The following TCF7L2 variants were observed in gnomAD, a reference collection of about 807,000 sequenced individuals.
TCF7L2 encodes transcription factor 7-like 2.
A neutral mutation model predicts 77.9 loss-of-function variants in TCF7L2; 23 were observed. The observed-to-expected ratio is 0.30, with a 90% CI of 0.21 to 0.42. The LOEUF (loss-of-function observed/expected upper bound fraction) is 0.42. Ranked by LOEUF, TCF7L2 falls within the 10% of genes least tolerant of loss-of-function variation. The pLI is 1.00. For missense variants in TCF7L2, 654 were observed against 793.1 expected (o/e 0.82, Z 2.11); for synonymous variants, 413 against 340.2 (o/e 1.21, Z -2.36).
At chr10:113,007,204 G>T (rs918264582) in intron 4 of TCF7L2, among the ~76,000 whole-genome samples, 1 of 152,218 alleles carries the variant, frequency 6.6e-6, no homozygotes, top group African/African-American at 2.4e-5. Flanking sequence ...TTAGAGGTGT[G>T]TGGGGGCGTG....
rs558942651 is a variant in TCF7L2, at chr10:113,014,717, C to T, written c.451-25308C>T. On this transcript the variant is annotated intron_variant, in intron 4 of 13. Transcript: ENST00000627217. ...GGGAGAATTGCTTGATCCCAGGAGG[C>T]GGAGGCTGCAGTGAGCCAAGATTGT... Among the ~76,000 whole-genome samples, 11 of 152,138 alleles carry T rather than the reference C, an allele frequency of 7.2e-5. No homozygotes were observed. The South Asian group carries it at 1.5e-3, about 20-fold the overall frequency.
At chr10:113,118,828 GAGAT>G (rs1375485397) in intron 5 of TCF7L2, among the ~76,000 whole-genome samples, 2 of 151,988 alleles carry the variant, frequency 1.3e-5, no homozygotes, top group African/African-American at 4.8e-5. Context: ...CTGGGATTGA[GAGAT>G]AGACATAGGA....
intron 4 of TCF7L2, among the ~76,000 whole-genome samples, chr10:113,021,880 G>A (rs1435034934): frequency 6.6e-6 from 1 of 152,242 alleles, no homozygotes; most frequent in East Asian, 1.9e-4. Context: ...GGCTGGCGAT[G>A]GTCCCGAAAC....
chr10:113,030,223 A>G (rs1032877745), intron 4 of TCF7L2, among the ~76,000 whole-genome samples: 4 of 152,354 alleles, frequency 2.6e-5, no homozygotes, highest in South Asian at 4.1e-4. Flanking sequence ...AAGGGCTACC[A>G]TGTTGTGGCA....
intron 5 of TCF7L2, among the ~76,000 whole-genome samples, chr10:113,067,299 G>A (rs950826500): frequency 1.3e-5 from 2 of 152,180 alleles, no homozygotes; most frequent in African/African-American, 2.4e-5. Flanking sequence ...GAAATGAACA[G>A]CAGACAACTG....
intron 4 of TCF7L2, among the ~76,000 whole-genome samples, chr10:113,018,773 C>A (rs972843930): frequency 1.3e-5 from 2 of 152,132 alleles, no homozygotes; most frequent in Non-Finnish European, 2.9e-5. Flanking sequence ...TGGCCTCTCT[C>A]CTGAGTCCTT....
chr10:112,965,442 C>G (rs985929872), intron 4 of TCF7L2, among the ~76,000 whole-genome samples: 18 of 152,200 alleles, frequency 1.2e-4, no homozygotes, highest in Non-Finnish European at 2.5e-4. Context: ...GGTACCAAAA[C>G]TTCTTGAGTG....
At chr10:113,053,065 G>A (rs2134619423) in intron 5 of TCF7L2, among the ~76,000 whole-genome samples, 1 of 152,256 alleles carries the variant, frequency 6.6e-6, no homozygotes, top group African/African-American at 2.4e-5. Context: ...GTGGGACACA[G>A]GCACAGCTCT....
chr10:113,122,836 C>T (rs1417011020), intron 5 of TCF7L2, among the ~76,000 whole-genome samples: 1 of 152,130 alleles, frequency 6.6e-6, no homozygotes, highest in African/African-American at 2.4e-5. Flanking sequence ...CCTCCTTGGC[C>T]ATCACAATTG....
At chr10:113,159,339 G>A (rs2137407110) in intron 12 of TCF7L2, among the ~76,000 whole-genome samples, 1 of 152,026 alleles carries the variant, frequency 6.6e-6, no homozygotes, top group Admixed American at 6.5e-5. Flanking sequence ...TTAAAAAAAA[G>A]ACGAACGTTC....
At chr10:113,006,904 C>T (rs2045646967) in intron 4 of TCF7L2, among the ~76,000 whole-genome samples, 1 of 152,250 alleles carries the variant, frequency 6.6e-6, no homozygotes, top group South Asian at 2.1e-4. Context: ...GCCTCCTGCC[C>T]TTCCCACTTC....
At position 113,146,784 on chromosome 10, in the gene TCF7L2, G is replaced by A. The variant is rs149241692; in HGVS notation, c.875+687G>A. Among the ~76,000 whole-genome samples the A allele has an allele frequency of 3.9e-3, 593 of 152,078 alleles. 2 individuals are homozygous for A. The highest frequency in any genetic ancestry group is 0.013 in the African/African-American group (545 of 41,490). ...GCTGAGCTTTGGTACAAAATCTGAT[G>A]TGTATCTTATACGCACAGCACTTCT... On this transcript the variant is annotated intron_variant, in intron 8 of 13. Transcript: ENST00000627217.
Position 113,151,382 on chromosome 10 carries a change from C to G in TCF7L2, c.1001+259C>G, listed in dbSNP as rs1039508498. 6.6e-6 allele frequency among the ~76,000 whole-genome samples: 1 copy of G among 152,062 alleles called. No homozygotes were observed. Among genetic ancestry groups the G allele is most frequent in the Admixed American group, 6.6e-5 (1 of 15,252 alleles). On this transcript the variant is annotated intron_variant, in intron 9 of 13. Transcript: ENST00000627217. The surrounding 1 kb of genome is among the most constrained non-coding windows in gnomAD (Gnocchi z 5.2). ...GATACACTGGGATTTGCAACCACTTCCCTGCCCCCTAACCGCATCATTGAA... is the reference window on the plus strand; with the variant it reads ...GATACACTGGGATTTGCAACCACTTGCCTGCCCCCTAACCGCATCATTGAA...
chr10:113,042,833 T>C lies in TCF7L2; in HGVS notation c.552+2707T>C, dbSNP rs1366228195. On this transcript the variant is annotated intron_variant, in intron 5 of 13. Coordinates refer to ENST00000627217, the MANE Select transcript of TCF7L2 (RefSeq NM_001146274.2). Reference sequence around the variant, plus strand: ...TTTGGCTGGTACAGTGTGTCTTTGTTTGTAAAGGGTGCATTCTGAATGGTG... The same window carrying C: ...TTTGGCTGGTACAGTGTGTCTTTGTCTGTAAAGGGTGCATTCTGAATGGTG... Among the ~76,000 whole-genome samples the C allele has an allele frequency of 2.0e-5, 3 of 152,198 alleles. No individual in the cohort carries two copies. In the East Asian group the frequency reaches 5.8e-4, roughly 29 times the overall value.
chr10:113,005,672 C>T (rs554142679), intron 4 of TCF7L2, among the ~76,000 whole-genome samples: 1 of 152,214 alleles, frequency 6.6e-6, no homozygotes, highest in South Asian at 2.1e-4. Context: ...CGGGGTGAGG[C>T]TTGCTCCAGA....
intron 3 of TCF7L2, among the ~76,000 whole-genome samples, chr10:112,959,336 A>G (rs2034478372): frequency 6.6e-6 from 1 of 152,180 alleles, no homozygotes; most frequent in Non-Finnish European, 1.5e-5. Context: ...TCTTTCCCCA[A>G]ATGTGAGTAG....
At chr10:113,073,571 A>G (rs1037666879) in intron 5 of TCF7L2, among the ~76,000 whole-genome samples, 8 of 148,346 alleles carry the variant, frequency 5.4e-5, no homozygotes, top group Non-Finnish European at 1.0e-4. Flanking sequence ...GTGCTCCTAT[A>G]GCTCCAGCTA....
intron 3 of TCF7L2, among the ~76,000 whole-genome samples, chr10:112,954,647 T>G (rs1030656499): frequency 6.6e-6 from 1 of 152,214 alleles, no homozygotes; most frequent in Non-Finnish European, 1.5e-5. Flanking sequence ...GTAACATTTG[T>G]ATATTAAAGA....
chr10:113,159,864 T>C lies in TCF7L2; in HGVS notation c.1319-755T>C, dbSNP rs563671225. 21 of 496,382 alleles carry C rather than the reference T, an allele frequency of 4.2e-5. No individual in the cohort carries two copies. The East Asian group carries it at 1.3e-3, about 30-fold the overall frequency. 30.7% of individuals were successfully genotyped at this position (496,382 alleles called of 1,614,324 possible). A position where few individuals can be genotyped will look rare whatever the true frequency, so the allele number is the denominator to read the frequency against. On this transcript the variant is annotated intron_variant, in intron 12 of 13. Coordinates refer to ENST00000627217, the MANE Select transcript of TCF7L2 (RefSeq NM_001146274.2). ...CCCCCCCTCTTTCTCTCTCTCTCTC[T>C]CTCCCTTTCTCCCACGTTCTCCTCC... is the stretch of plus-strand genomic sequence containing the variant.
Sources: allele counts gnomAD v4.1 joint callset (sites outside exome capture counted in the v4.1 genomes callset), GRCh38; gene constraint gnomAD v4.1.1; non-coding constraint Gnocchi (gnomAD v3.1); transcripts MANE v1.5; gene names NCBI Gene and HGNC (gene_info 2026-07-23, HGNC 2026-07-21).